The following CD302 variants were observed in gnomAD, a reference collection of about 807,000 sequenced individuals.
The protein encoded by CD302 is CD302 antigen.
CD302 carries 23 observed loss-of-function variants against 26.5 expected under a neutral mutation model. The observed-to-expected ratio is 0.87, with a 90% CI of 0.62 to 1.23. The LOEUF (loss-of-function observed/expected upper bound fraction) is 1.23. Ranked by LOEUF, CD302 falls within the 50% of genes most tolerant of loss-of-function variation. The pLI, the probability that CD302 is intolerant of heterozygous loss-of-function variation, is 0.00. For missense variants in CD302, 290 were observed against 275.5 expected (o/e 1.05, Z -0.37); for synonymous variants, 90 against 99.4 (o/e 0.91, Z 0.56).
chr2:159,783,085 A>G (rs1708565663), intron 2 of CD302, among the ~76,000 whole-genome samples: 1 of 152,240 alleles, frequency 6.6e-6, no homozygotes, highest in Admixed American at 6.5e-5. Flanking sequence ...CAGGTAAAGT[A>G]TATGAGGTGC....
chr2:159,779,936 A>ATTAT, intron 4 of CD302, 69 bp downstream of exon 4: 1 of 1,529,112 alleles, frequency 6.5e-7, no homozygotes. Context: ...TTATCTCAAA[A>ATTAT]TTATTTTAAA....
chr2:159,771,789 C>T lies in CD302; in HGVS notation c.*62G>A. 1 of 1,564,330 alleles carries T rather than the reference C, an allele frequency of 6.4e-7. No homozygotes were observed. On this transcript the variant is annotated 3_prime_UTR_variant, in exon 6 of 6. Coordinates refer to ENST00000259053, the MANE Select transcript of CD302 (RefSeq NM_014880.5). Reference sequence around the variant, plus strand: ...CCAATGTCAAGTTTTATATTAAAATCTTTCCCAAGTTATCTCTGCCAGGGC... The same window carrying T: ...CCAATGTCAAGTTTTATATTAAAATTTTTCCCAAGTTATCTCTGCCAGGGC...
intron 1 of CD302, among the ~76,000 whole-genome samples, chr2:159,792,413 GAACC>G (rs1708830851): frequency 7.0e-6 from 1 of 143,132 alleles, no homozygotes; most frequent in African/African-American, 2.6e-5. Context: ...GAGAAACAGA[GAACC>G]AACTCTGTGT....
Position 159,780,108 on chromosome 2 carries a change from CTCA to C in CD302, c.363_365del (p.Asp121del), listed in dbSNP as rs767523154. The C allele has an allele frequency of 2.5e-5, 40 of 1,613,976 alleles. No homozygotes were observed. The African/African-American group carries it at 2.8e-4, about 11-fold the overall frequency. ...GAAAAGCACAGGTGTCAACTAAATCCTCATCATCATCTTGGTCTGTCCACTTAT... is the reference window on the plus strand; with the variant it reads ...GAAAAGCACAGGTGTCAACTAAATCCTCATCATCTTGGTCTGTCCACTTAT... On this transcript the variant is annotated inframe_deletion, in exon 4 of 6. Transcript: ENST00000259053.
At position 159,779,031 on chromosome 2, in the gene CD302, A is replaced by G. The variant is rs186307754; in HGVS notation, c.469+974T>C. 1.4e-4 allele frequency among the ~76,000 whole-genome samples: 22 copies of G among 152,064 alleles called. No homozygotes were observed. The East Asian group carries it at 4.3e-3, about 30-fold the overall frequency. ...CAGATCACAAGGTCAGGAGTTCGAGACCAGCCTGGCCAATATGGTGAAACC... is the reference window on the plus strand; with the variant it reads ...CAGATCACAAGGTCAGGAGTTCGAGGCCAGCCTGGCCAATATGGTGAAACC... On this transcript the variant is annotated intron_variant, in intron 4 of 5. Coordinates refer to ENST00000259053, the MANE Select transcript of CD302 (RefSeq NM_014880.5).
rs1378435595 is a variant in CD302 at position 159,771,801 on chromosome 2, A to C, written c.*50T>G. 17 of 1,590,126 alleles carry C rather than the reference A, an allele frequency of 1.1e-5. No homozygotes were observed. In the East Asian group the frequency reaches 3.8e-4, roughly 36 times the overall value. On this transcript the variant is annotated 3_prime_UTR_variant, in exon 6 of 6. Transcript: ENST00000259053. ...TTTATATTAAAATCTTTCCCAAGTT[A>C]TCTCTGCCAGGGCATTTTGTTGATG... is the stretch of plus-strand genomic sequence containing the variant.
At chr2:159,779,094 G>A (rs905195008) in intron 4 of CD302, among the ~76,000 whole-genome samples, 2 of 151,898 alleles carry the variant, frequency 1.3e-5, no homozygotes, top group Non-Finnish European at 2.9e-5. Context: ...AGCCGGGCAT[G>A]GTGGCGGGTG....
Position 159,783,088 on chromosome 2 carries a change from T to G in CD302, c.178+271A>C, listed in dbSNP as rs541992517. ...TTATGATAAAGCCAGGTAAAGTATA[T>G]GAGGTGCTTAAGCACAGTGCCTGGC... On this transcript the variant is annotated intron_variant, in intron 2 of 5. Transcript: ENST00000259053. Among the ~76,000 whole-genome samples the G allele has an allele frequency of 5.9e-5, 9 of 152,320 alleles. No individual in the cohort carries two copies. In the South Asian group the frequency reaches 1.9e-3, roughly 32 times the overall value.
chr2:159,771,158 G>A lies in CD302; in HGVS notation c.*693C>T. 6.6e-6 allele frequency: 1 copy of A among 152,096 alleles called. No individual in the cohort carries two copies. Among genetic ancestry groups the A allele is most frequent in the East Asian group, 1.9e-4 (1 of 5,196 alleles). 9.4% of individuals were successfully genotyped at this position (152,096 alleles called of 1,614,324 possible). A position where few individuals can be genotyped will look rare whatever the true frequency, so the allele number is the denominator to read the frequency against. On this transcript the variant is annotated 3_prime_UTR_variant, in exon 6 of 6. Transcript: ENST00000259053. ...TAGGGGAAAGTACAAAAGGTATGGT[G>A]GCAAGAGAGAAATCCTTAAAGGGGC...
intron 5 of CD302, among the ~76,000 whole-genome samples, chr2:159,773,456 A>T (rs986367242): frequency 6.6e-6 from 1 of 152,242 alleles, no homozygotes; most frequent in Non-Finnish European, 1.5e-5. Flanking sequence ...TTAAATAGGA[A>T]TTACATGATA....
chr2:159,775,353 CAT>C (rs1320582299), intron 5 of CD302, among the ~76,000 whole-genome samples: 20 of 152,174 alleles, frequency 1.3e-4, no homozygotes, highest in Admixed American at 1.3e-3. Flanking sequence ...GTCTGAAGAC[CAT>C]ATGTTGCCAG....
At chr2:159,774,304 A>C (rs1375730486) in intron 5 of CD302, among the ~76,000 whole-genome samples, 1 of 152,166 alleles carries the variant, frequency 6.6e-6, no homozygotes, top group East Asian at 1.9e-4. Flanking sequence ...ATAAATAGCC[A>C]CTGTCCAGTC....
In CD302 at chr2:159,769,872, G is replaced by C. The variant is rs975269331; in HGVS notation, c.*1979C>G. ...TCCTATAATGAAAATGTTCTATAAT[G>C]TATGTTGCCCAGTACAGTAGCCACT... On this transcript the variant is annotated 3_prime_UTR_variant, in exon 6 of 6. Coordinates refer to ENST00000259053, the MANE Select transcript of CD302 (RefSeq NM_014880.5). The C allele has an allele frequency of 2.0e-5, 3 of 152,170 alleles. No individual in the cohort carries two copies. Among genetic ancestry groups the C allele is most frequent in the Non-Finnish European group, 2.9e-5 (2 of 68,018 alleles). 9.4% of individuals were successfully genotyped at this position (152,170 alleles called of 1,614,324 possible).
chr2:159,773,635 A>G (rs1708222251), intron 5 of CD302, among the ~76,000 whole-genome samples: 1 of 152,214 alleles, frequency 6.6e-6, no homozygotes, highest in Non-Finnish European at 1.5e-5. Context: ...CTTTAGCCAA[A>G]GTTGCCTCCA....
chr2:159,791,714 T>C (rs1677122072), intron 1 of CD302, among the ~76,000 whole-genome samples: 1 of 152,196 alleles, frequency 6.6e-6, no homozygotes, highest in African/African-American at 2.4e-5. Flanking sequence ...AAAGTCTGGC[T>C]CTGACTACAC....
chr2:159,793,710 T>C (rs539191703), intron 1 of CD302, among the ~76,000 whole-genome samples: 1 of 152,242 alleles, frequency 6.6e-6, no homozygotes, highest in African/African-American at 2.4e-5. Context: ...AGAGATTCTG[T>C]GGCTGTACTC....
intron 1 of CD302, among the ~76,000 whole-genome samples, chr2:159,792,763 G>A (rs1265365630): frequency 1.3e-5 from 2 of 152,090 alleles, no homozygotes; most frequent in Admixed American, 6.6e-5. Context: ...AACAGGGTAT[G>A]TATAGAAAAA....
At chr2:159,772,840 A>G (rs969347628) in intron 5 of CD302, among the ~76,000 whole-genome samples, 3 of 152,164 alleles carry the variant, frequency 2.0e-5, no homozygotes, top group Non-Finnish European at 2.9e-5. Context: ...AGTGAGAGAA[A>G]TTTGGCCAAA....
At chr2:159,780,815 G>T in intron 3 of CD302, 67 bp downstream of exon 3, 1 of 1,404,552 alleles carries the variant, frequency 7.1e-7, no homozygotes, top group Non-Finnish European at 1.0e-6. Flanking sequence ...GAATTGAAAA[G>T]CCATCAGTTT....
Sources: allele counts gnomAD v4.1 joint callset (sites outside exome capture counted in the v4.1 genomes callset), GRCh38; gene constraint gnomAD v4.1.1; transcripts MANE v1.5; gene names NCBI Gene and HGNC (gene_info 2026-07-23, HGNC 2026-07-21).